The following ST6GAL1 variants were observed in gnomAD, a reference collection of about 807,000 sequenced individuals.
ST6GAL1 encodes the protein ST6 beta-galactoside alpha-2,6-sialyltransferase 1, also known as beta-galactoside alpha-2,6-sialyltransferase 1.
A neutral mutation model predicts 38.0 loss-of-function variants in ST6GAL1; 20 were observed. The observed-to-expected ratio is 0.53, with a 90% CI of 0.37 to 0.77. ST6GAL1 has a LOEUF of 0.77. ST6GAL1 is among the 30% of genes least tolerant of loss of function. The pLI is 0.00. For missense variants in ST6GAL1, 432 were observed against 496.4 expected (o/e 0.87, Z 1.23); for synonymous variants, 196 against 188.2 (o/e 1.04, Z -0.34).
chr3:187,052,152 TG>T (rs1162752469), intron 5 of ST6GAL1, among the ~76,000 whole-genome samples: 1 of 152,098 alleles, frequency 6.6e-6, no homozygotes, highest in Non-Finnish European at 1.5e-5. Context: ...GCAGTGTCTG[TG>T]GAATGTGTGT....
At chr3:186,937,217 T>C (rs1266651609) in intron 1 of ST6GAL1, among the ~76,000 whole-genome samples, 1 of 152,184 alleles carries the variant, frequency 6.6e-6, no homozygotes, top group Admixed American at 6.5e-5. Flanking sequence ...CTGTATTCTT[T>C]CATTCGTCAC....
At chr3:186,987,190 G>GGAGGGAA (rs1560152228) in intron 2 of ST6GAL1, among the ~76,000 whole-genome samples, 5 of 120,758 alleles carry the variant, frequency 4.1e-5, no homozygotes, top group African/African-American at 1.7e-4. Context: ...CAGGGAGGGA[G>GGAGGGAA]GGAGGGAGGG....
intron 2 of ST6GAL1, among the ~76,000 whole-genome samples, chr3:186,984,743 C>CCTTCCTCCCTTCCTTCT: frequency 3.5e-5 from 1 of 28,460 alleles, no homozygotes; most frequent in South Asian, 1.7e-3. Context: ...TCCTTCCTTC[C>CCTTCCTCCCTTCCTTCT]CTCCCTCCCT....
chr3:187,010,005 A>G (rs1716905899), intron 2 of ST6GAL1, among the ~76,000 whole-genome samples: 1 of 152,108 alleles, frequency 6.6e-6, no homozygotes, highest in African/African-American at 2.4e-5. Flanking sequence ...ACTCCATCTA[A>G]AAAAAGAAAA....
Position 187,076,942 on chromosome 3 carries a change from T to TGA in ST6GAL1, c.*1139_*1140insGA, listed in dbSNP as rs1359099169. The TGA allele has an allele frequency of 1.6e-4, 62 of 397,730 alleles. No homozygotes were observed. In the East Asian group the frequency reaches 1.7e-3, roughly 11 times the overall value. 24.6% of individuals were successfully genotyped at this position (397,730 alleles called of 1,614,324 possible). A position where few individuals can be genotyped will look rare whatever the true frequency, so the allele number is the denominator to read the frequency against. On this transcript the variant is annotated 3_prime_UTR_variant, in exon 8 of 8. Coordinates refer to ENST00000169298, the MANE Select transcript of ST6GAL1 (RefSeq NM_173216.2). The stretch of plus-strand genomic sequence containing the variant: ...TACCAGTCCCATTCTTCCTTTTCAA[T>TGA]ACCTACCCCCAAATCTTCTCCTAAC...
intron 2 of ST6GAL1, among the ~76,000 whole-genome samples, chr3:187,037,329 A>G (rs1385088315): frequency 6.6e-6 from 1 of 152,160 alleles, no homozygotes; most frequent in African/African-American, 2.4e-5. Context: ...ATAACTTTAT[A>G]TGCTTGTTAA....
intron 2 of ST6GAL1, among the ~76,000 whole-genome samples, chr3:186,967,334 G>A (rs771952815): frequency 2.0e-5 from 3 of 152,192 alleles, no homozygotes; most frequent in Non-Finnish European, 2.9e-5. Context: ...TGAGATTACA[G>A]GCGCCTGCCA....
rs559342501 is a variant in ST6GAL1 at position 186,953,427 on chromosome 3, C to T, written c.-324-10358C>T. ...CTTCCTTCATGTATCCTATTGTTTT[C>T]GTCTCTTCTTCAGGTTTCTATTTAG... On this transcript the variant is annotated intron_variant, in intron 1 of 7. Transcript: ENST00000169298. Among the ~76,000 whole-genome samples the T allele has an allele frequency of 3.3e-5, 5 of 152,250 alleles. No homozygotes were observed. In the East Asian group the frequency reaches 7.7e-4, roughly 23 times the overall value.
chr3:186,931,064 G>A (rs1455083274), intron 1 of ST6GAL1: 1 of 152,068 alleles, frequency 6.6e-6, no homozygotes, highest in Non-Finnish European at 1.5e-5. Flanking sequence ...CTTCTCTCTG[G>A]CTCCGCGAGC....
chr3:187,008,586 G>T (rs1479719746), intron 2 of ST6GAL1, among the ~76,000 whole-genome samples: 1 of 152,080 alleles, frequency 6.6e-6, no homozygotes, highest in East Asian at 1.9e-4. Flanking sequence ...AAACCAAGAG[G>T]CTTCATTTCC....
At chr3:187,015,956 T>C (rs1006767663) in intron 2 of ST6GAL1, among the ~76,000 whole-genome samples, 2 of 152,196 alleles carry the variant, frequency 1.3e-5, no homozygotes, top group African/African-American at 4.8e-5. Flanking sequence ...GAGATTCAGG[T>C]TTCTTATCTG....
chr3:187,061,783 CA>C (rs1718924483), intron 5 of ST6GAL1, among the ~76,000 whole-genome samples: 1 of 152,002 alleles, frequency 6.6e-6, no homozygotes, highest in Non-Finnish European at 1.5e-5. Flanking sequence ...CAACATAGGG[CA>C]AAAACTTTAT....
chr3:186,945,642 G>A (rs1165031185), intron 1 of ST6GAL1, among the ~76,000 whole-genome samples: 1 of 152,128 alleles, frequency 6.6e-6, no homozygotes, highest in Non-Finnish European at 1.5e-5. Flanking sequence ...ACCAGAAATA[G>A]GGGGTTAGGG....
intron 2 of ST6GAL1, among the ~76,000 whole-genome samples, chr3:186,972,665 G>A (rs1304183972): frequency 6.6e-6 from 1 of 152,116 alleles, no homozygotes; most frequent in Non-Finnish European, 1.5e-5. Flanking sequence ...ACAGAAGCAT[G>A]CACATAGTAG....
At chr3:186,962,960 A>G (rs1309569311) in intron 1 of ST6GAL1, among the ~76,000 whole-genome samples, 1 of 152,238 alleles carries the variant, frequency 6.6e-6, no homozygotes, top group Non-Finnish European at 1.5e-5. Context: ...TCTTTATAAA[A>G]AATCTGAAAA....
At chr3:186,935,900 GA>G (rs1017605709) in intron 1 of ST6GAL1, among the ~76,000 whole-genome samples, 26 of 151,620 alleles carry the variant, frequency 1.7e-4, no homozygotes, top group African/African-American at 5.3e-4. Flanking sequence ...AAAAAAAAAA[GA>G]AAAAAACCCA....
chr3:187,011,681 C>A (rs1021838696), intron 2 of ST6GAL1, among the ~76,000 whole-genome samples: 7 of 152,198 alleles, frequency 4.6e-5, no homozygotes, highest in Non-Finnish European at 1.0e-4. Flanking sequence ...TAATTCTTTA[C>A]CTTTTATTCT....
intron 1 of ST6GAL1, among the ~76,000 whole-genome samples, chr3:186,949,751 G>T (rs1457360486): frequency 6.6e-6 from 1 of 152,178 alleles, no homozygotes; most frequent in Non-Finnish European, 1.5e-5. Flanking sequence ...ACAGACTTGG[G>T]TTTAAATTCC....
chr3:186,934,315 G>C (rs905937896), intron 1 of ST6GAL1, among the ~76,000 whole-genome samples: 1 of 152,134 alleles, frequency 6.6e-6, no homozygotes, highest in African/African-American at 2.4e-5. Context: ...GGAGGGAAGA[G>C]TTCGAATTCC....
Sources: allele counts gnomAD v4.1 joint callset (sites outside exome capture counted in the v4.1 genomes callset), GRCh38; gene constraint gnomAD v4.1.1; transcripts MANE v1.5; gene names NCBI Gene and HGNC (gene_info 2026-07-23, HGNC 2026-07-21).